ATP9A: variants seen among roughly 807,000 people sequenced by gnomAD.
The protein encoded by ATP9A is probable phospholipid-transporting ATPase IIA.
Under a neutral mutation model 144.1 loss-of-function variants are expected in ATP9A, and 52 were observed. The ratio of observed to expected loss-of-function variants is 0.36; its 90% CI spans 0.29 to 0.45. ATP9A has a LOEUF of 0.45. Ranked by LOEUF, ATP9A falls within the 20% of genes least tolerant of loss-of-function variation. ATP9A has a pLI of 1.00. For synonymous variants in ATP9A, 582 were observed against 557.4 expected (o/e 1.04, Z -0.62); for missense variants, 947 against 1,392.7 (o/e 0.68, Z 5.09).
Position 51,601,274 on chromosome 20 carries a change from G to A in ATP9A, c.3081C>T (p.Leu1027=), listed in dbSNP as rs776264747. 4 of 1,613,952 alleles carry A rather than the reference G, an allele frequency of 2.5e-6. No individual in the cohort carries two copies. The African/African-American group carries it at 5.3e-5, about 22-fold the overall frequency. ...GTCTTCGCAGGTACTTGAGGACATAGAGGGGGAGGCAGCTGACCAGAGTGA... is the reference window on the plus strand; with the variant it reads ...GTCTTCGCAGGTACTTGAGGACATAAAGGGGGAGGCAGCTGACCAGAGTGA... ...SVITLVSCLP[L]YVLKYLRRRF... The change falls in exon 28 of 28, where the codon CTC becomes CTT. Residue 1027 remains leucine (L), a synonymous_variant. Transcript: ENST00000338821.
intron 4 of ATP9A, among the ~76,000 whole-genome samples, chr20:51,708,002 A>G (rs1404899913): frequency 6.6e-6 from 1 of 152,138 alleles, no homozygotes; most frequent in Non-Finnish European, 1.5e-5. Context: ...TGCTGGCATT[A>G]CAGGCATGAG....
At position 51,638,101 on chromosome 20, in the gene ATP9A, A is replaced by T. The variant is rs1291646181; in HGVS notation, c.1668+1242T>A. ...TATATATATATATATATATATATAT[A>T]TATATATATATATATATATATATCT... On this transcript the variant is annotated intron_variant, in intron 15 of 27. Coordinates refer to ENST00000338821, the MANE Select transcript of ATP9A (RefSeq NM_006045.3). Among the ~76,000 whole-genome samples, 4 of 74,228 alleles carry T rather than the reference A, an allele frequency of 5.4e-5. 1 individual carries two copies. The highest frequency in any genetic ancestry group is 1.9e-4 in the African/African-American group (4 of 21,092). 48.7% of individuals were successfully genotyped at this position (74,228 alleles called of 152,430 possible).
Position 51,675,077 on chromosome 20 carries a change from G to C in ATP9A, c.877-764C>G, listed in dbSNP as rs574901813. On this transcript the variant is annotated intron_variant, in intron 10 of 27. Transcript: ENST00000338821. ...TCCACCTGCCTCGGCCTCCCAAAGT[G>C]CTGGGATTACAGGTGTGAGCCACCG... Among the ~76,000 whole-genome samples the C allele has an allele frequency of 2.6e-5, 4 of 152,248 alleles. No individual in the cohort carries two copies. The East Asian group carries it at 7.7e-4, about 29-fold the overall frequency.
At chr20:51,690,333 T>G (rs957428363) in intron 8 of ATP9A, among the ~76,000 whole-genome samples, 2 of 151,748 alleles carry the variant, frequency 1.3e-5, no homozygotes, top group East Asian at 3.9e-4. Context: ...GGCAGGAGAA[T>G]GGCGTGAACC....
chr20:51,652,100 C>T (rs2122763986), intron 14 of ATP9A, among the ~76,000 whole-genome samples: 1 of 152,294 alleles, frequency 6.6e-6, no homozygotes, highest in South Asian at 2.1e-4. Context: ...TGCCACTCCC[C>T]ACCACCCACT....
chr20:51,730,099 ATATTT>A, intron 1 of ATP9A, 121 bp from the exon 2 acceptor site: 1 of 1,093,390 alleles, frequency 9.1e-7, no homozygotes, highest in Non-Finnish European at 1.2e-6. Flanking sequence ...GACCACAGCC[ATATTT>A]GAGGCTTCAT....
intron 1 of ATP9A, chr20:51,735,041 C>A: frequency 5.0e-6 from 1 of 200,634 alleles, no homozygotes; most frequent in South Asian, 9.9e-5. Flanking sequence ...TCAAAAGTGC[C>A]CACGCCCCTA....
chr20:51,637,327 A>AAAAAGACAACTGG (rs1418902903), intron 15 of ATP9A, among the ~76,000 whole-genome samples: 3 of 149,980 alleles, frequency 2.0e-5, no homozygotes, highest in African/African-American at 7.4e-5. Flanking sequence ...AAAAAAAAAA[A>AAAAAGACAACTGG]AAGACAACTG....
chr20:51,698,372 A>G (rs1181029678), intron 4 of ATP9A, among the ~76,000 whole-genome samples: 1 of 152,146 alleles, frequency 6.6e-6, no homozygotes, highest in African/African-American at 2.4e-5. Flanking sequence ...AAAACATAAA[A>G]ATTAGCTGGA....
rs368916747 is a variant in ATP9A, at chr20:51,667,454, G to GC, written c.1293+2542dup. Among the ~76,000 whole-genome samples, 660 of 152,240 alleles carry GC rather than the reference G, an allele frequency of 4.3e-3. 9 individuals are homozygous for GC. The highest frequency in any genetic ancestry group is 0.015 in the African/African-American group (618 of 41,530). On this transcript the variant is annotated intron_variant, in intron 13 of 27. Coordinates refer to ENST00000338821, the MANE Select transcript of ATP9A (RefSeq NM_006045.3). ...ATATGCATGACAATCCAATCAATGA[G>GC]CCCCCCAAGAAGGAGCCTGGTGGGC...
At chr20:51,692,831 C>A (rs1233499987) in intron 7 of ATP9A, among the ~76,000 whole-genome samples, 2 of 152,022 alleles carry the variant, frequency 1.3e-5, no homozygotes, top group African/African-American at 4.8e-5. Context: ...AATAAAATTC[C>A]TGGTTTAAAA....
chr20:51,639,655 C>A, intron 14 of ATP9A, 151 bp from the exon 15 acceptor site: 1 of 782,968 alleles, frequency 1.3e-6, no homozygotes, highest in Non-Finnish European at 2.0e-6. Context: ...TGTGCTGGCC[C>A]ATGACAGTGT....
At chr20:51,657,203 G>C (rs1015913425) in intron 13 of ATP9A, 53 bp from the exon 14 acceptor site, 2 of 1,487,142 alleles carry the variant, frequency 1.3e-6, no homozygotes, top group Non-Finnish European at 1.9e-6. Context: ...GAATGATTTG[G>C]AGAGTGGAAG....
At chr20:51,668,250 T>C (rs1439280959) in intron 13 of ATP9A, among the ~76,000 whole-genome samples, 2 of 149,994 alleles carry the variant, frequency 1.3e-5, no homozygotes, top group African/African-American at 4.9e-5. Flanking sequence ...GGGCAGTGGC[T>C]GTCAGCTGGG....
At position 51,604,964 on chromosome 20, in the gene ATP9A, C is replaced by T. The variant is rs1197294170; in HGVS notation, c.2860G>A (p.Val954Met). ...LLFESEFVHI[V>M]AISFTSLILT... ...ATCAGCGAGGTGAAGGAGATGGCCA[C>T]GATGTGCACGAACTCCGACTCAAAC... is the stretch of plus-strand genomic sequence containing the variant. Residue 954 changes from valine to methionine, a missense_variant, in exon 27 of 28, where the codon GTG becomes ATG. By Grantham distance (21) the Val-to-Met change is conservative. Coordinates refer to ENST00000338821, the MANE Select transcript of ATP9A (RefSeq NM_006045.3). 3.1e-6 allele frequency: 5 copies of T among 1,613,062 alleles called. No homozygotes were observed. The highest frequency in any genetic ancestry group is 4.2e-6 in the Non-Finnish European group (5 of 1,179,636).
intron 14 of ATP9A, among the ~76,000 whole-genome samples, chr20:51,646,562 C>T (rs1402835532): frequency 2.6e-5 from 4 of 152,118 alleles, no homozygotes; most frequent in African/African-American, 9.7e-5. Context: ...TGCCGACAGG[C>T]GTTGGGAGAG....
At chr20:51,615,367 T>C (rs1031134394) in intron 22 of ATP9A, among the ~76,000 whole-genome samples, 1 of 152,206 alleles carries the variant, frequency 6.6e-6, no homozygotes, top group Non-Finnish European at 1.5e-5. Context: ...GAGTAAGAAG[T>C]GATGGCTCTG....
chr20:51,667,239 T>C (rs1201314681), intron 13 of ATP9A, among the ~76,000 whole-genome samples: 1 of 152,146 alleles, frequency 6.6e-6, no homozygotes, highest in Non-Finnish European at 1.5e-5. Flanking sequence ...AAAGCTAAAA[T>C]ACACAAATAT....
At chr20:51,608,653 G>A (rs1035895052) in intron 24 of ATP9A, 27 bp from the exon 25 acceptor site, 2 of 1,432,394 alleles carry the variant, frequency 1.4e-6, no homozygotes, top group Non-Finnish European at 2.0e-6. Flanking sequence ...CCATAGGTAA[G>A]ACCTGGCTGA....
Sources: allele counts gnomAD v4.1 joint callset (sites outside exome capture counted in the v4.1 genomes callset), GRCh38; gene constraint gnomAD v4.1.1; transcripts MANE v1.5; gene names NCBI Gene and HGNC (gene_info 2026-07-23, HGNC 2026-07-21).